ATP9B: variants seen among roughly 807,000 people sequenced by gnomAD.
ATP9B encodes the protein ATPase phospholipid transporting 9B, also known as probable phospholipid-transporting ATPase IIB.
Under a neutral mutation model 146.1 loss-of-function variants are expected in ATP9B, and 110 were observed. The observed-to-expected ratio is 0.75, with a 90% CI of 0.65 to 0.88. ATP9B has a LOEUF of 0.88. Among genes scored for constraint, ATP9B ranks in the 40% least tolerant of loss-of-function variants. The pLI, the probability that ATP9B is intolerant of heterozygous loss-of-function variation, is 0.00. For synonymous variants in ATP9B, 604 were observed against 569.7 expected, an observed-to-expected ratio of 1.06 and a Z score of -0.86; for missense variants, 1,499 against 1,496.4, an observed-to-expected ratio of 1.00 and a Z score of -0.03.
intron 6 of ATP9B, among the ~76,000 whole-genome samples, chr18:79,151,488 C>T (rs2094688223): frequency 6.6e-6 from 1 of 152,098 alleles, no homozygotes; most frequent in African/African-American, 2.4e-5. Context: ...ATGAAGGATA[C>T]TTTTGTGTCA....
chr18:79,341,415 ACAC>A (rs1221337369), intron 19 of ATP9B, among the ~76,000 whole-genome samples: 4,495 of 89,502 alleles, frequency 0.05, 639 homozygotes, highest in East Asian at 0.081. Flanking sequence ...TGTTGCCGAC[ACAC>A]CATTTAGTTG....
intron 13 of ATP9B, among the ~76,000 whole-genome samples, chr18:79,284,324 A>C (rs980605216): frequency 6.6e-6 from 1 of 152,206 alleles, no homozygotes; most frequent in African/African-American, 2.4e-5. Context: ...GTCCTTGGAT[A>C]TGAGTGCTGT....
At chr18:79,201,417 A>G (rs940691974) in intron 9 of ATP9B, among the ~76,000 whole-genome samples, 1 of 152,162 alleles carries the variant, frequency 6.6e-6, no homozygotes. Context: ...ATAAGACAAA[A>G]TATCTTTTGT....
intron 2 of ATP9B, among the ~76,000 whole-genome samples, chr18:79,097,656 T>G (rs1339586664): frequency 6.7e-6 from 1 of 148,544 alleles, no homozygotes; most frequent in Non-Finnish European, 1.5e-5. Flanking sequence ...GATAGTTTAC[T>G]GAGAATGATG....
rs564713701 is a variant in ATP9B, at chr18:79,251,218, G to A, written c.1108-2163G>A. 3.1e-4 allele frequency among the ~76,000 whole-genome samples: 47 copies of A among 152,324 alleles called. No individual in the cohort carries two copies. The South Asian group carries it at 6.0e-3, about 19-fold the overall frequency. On this transcript the variant is annotated intron_variant, in intron 11 of 29. Coordinates refer to ENST00000426216, the MANE Select transcript of ATP9B (RefSeq NM_198531.5). Reference sequence around the variant, plus strand: ...CGCAGGACAGATCACAGGAGGGGCCGCCCCACCCCGCTGAATGCGGCATCC... The same window carrying A: ...CGCAGGACAGATCACAGGAGGGGCCACCCCACCCCGCTGAATGCGGCATCC...
chr18:79,260,403 G>A (rs908038756), intron 12 of ATP9B, among the ~76,000 whole-genome samples: 2 of 152,088 alleles, frequency 1.3e-5, no homozygotes, highest in East Asian at 3.8e-4. Flanking sequence ...CTCTACACAC[G>A]GGGAGTACAA....
In ATP9B at chr18:79,270,019, G is replaced by C. The variant is rs573107275; in HGVS notation, c.1269-7035G>C. 1.1e-4 allele frequency among the ~76,000 whole-genome samples: 16 copies of C among 152,342 alleles called. No homozygotes were observed. The South Asian group carries it at 3.3e-3, about 32-fold the overall frequency. On this transcript the variant is annotated intron_variant, in intron 12 of 29. Coordinates refer to ENST00000426216, the MANE Select transcript of ATP9B (RefSeq NM_198531.5). ...GGCTCCTGTTTGCCTGGTCAGCTTT[G>C]TTACTAGCACTTAACATAATCACTG...
In ATP9B at chr18:79,377,930, A is replaced by G. The variant is rs2097110514; in HGVS notation, c.*547A>G. 1 of 153,754 alleles carries G rather than the reference A, an allele frequency of 6.5e-6. No homozygotes were observed. Among genetic ancestry groups the G allele is most frequent in the South Asian group, 2.0e-4 (1 of 4,906 alleles). The allele number at this position is 153,754 out of a possible 1,614,324, so 9.5% of individuals were successfully genotyped here. On this transcript the variant is annotated 3_prime_UTR_variant, in exon 30 of 30. Transcript: ENST00000426216. ...TTTTCTTTCTTTTTTTGTATTGTCAAAATTGTATTTCCATATTGAAGCAGC... is the reference window on the plus strand; with the variant it reads ...TTTTCTTTCTTTTTTTGTATTGTCAGAATTGTATTTCCATATTGAAGCAGC...
chr18:79,344,901 C>T (rs1025873406), intron 21 of ATP9B, among the ~76,000 whole-genome samples: 6 of 152,226 alleles, frequency 3.9e-5, no homozygotes, highest in African/African-American at 1.2e-4. Context: ...TCGTTTTCTT[C>T]GCACGGTGGC....
Position 79,333,939 on chromosome 18 carries a change from G to A in ATP9B, c.2029-2689G>A, listed in dbSNP as rs114797345. Among the ~76,000 whole-genome samples the A allele has an allele frequency of 1.4e-3, 218 of 152,340 alleles. 3 individuals carry two copies. The highest frequency in any genetic ancestry group is 5.0e-3 in the African/African-American group (208 of 41,588). The stretch of plus-strand genomic sequence containing the variant: ...GCTCAAATTTGAAATTTGAGAGGGA[G>A]TCAACAACATCTGGATGGAGAGTCT... On this transcript the variant is annotated intron_variant, in intron 17 of 29. Transcript: ENST00000426216.
chr18:79,350,140 A>C (rs1464222815), intron 25 of ATP9B, among the ~76,000 whole-genome samples: 4 of 152,182 alleles, frequency 2.6e-5, no homozygotes, highest in African/African-American at 9.7e-5. Context: ...ACAGCTACCA[A>C]GACTCCTGGG....
chr18:79,259,741 CA>C (rs2096121432), intron 12 of ATP9B, among the ~76,000 whole-genome samples: 1 of 152,190 alleles, frequency 6.6e-6, no homozygotes, highest in Non-Finnish European at 1.5e-5. Flanking sequence ...ACAGGCACAG[CA>C]GTCATTGCTC....
chr18:79,292,714 G>T (rs923928932), intron 13 of ATP9B, among the ~76,000 whole-genome samples: 1 of 151,470 alleles, frequency 6.6e-6, no homozygotes, highest in African/African-American at 2.4e-5. Flanking sequence ...GGGCTGCAGA[G>T]TGGGGGGTGG....
chr18:79,250,624 A>G (rs778638933), intron 11 of ATP9B, among the ~76,000 whole-genome samples: 1 of 152,190 alleles, frequency 6.6e-6, no homozygotes, highest in African/African-American at 2.4e-5. Context: ...AGCATAAACT[A>G]TGTAGTAGTT....
rs186244018 is a variant in ATP9B, at chr18:79,311,447, G to A, written c.1773+4213G>A. Among the ~76,000 whole-genome samples the A allele has an allele frequency of 3.5e-4, 54 of 152,182 alleles. No homozygotes were observed. The East Asian group carries it at 0.01, about 29-fold the overall frequency. On this transcript the variant is annotated intron_variant, in intron 15 of 29. Coordinates refer to ENST00000426216, the MANE Select transcript of ATP9B (RefSeq NM_198531.5). ...ACATCCCCTGATACGGTGACCTCAG[G>A]AACAAGAAAGCCTAAATGTGCCAGC...
intron 11 of ATP9B, among the ~76,000 whole-genome samples, chr18:79,237,677 C>A (rs183509417): frequency 2.2e-4 from 21 of 97,656 alleles, no homozygotes; most frequent in Middle Eastern, 4.9e-3. Flanking sequence ...AAGTATTTGA[C>A]TTTTTTTTTT....
chr18:79,309,469 A>T (rs1015637564), intron 15 of ATP9B, among the ~76,000 whole-genome samples: 5 of 142,140 alleles, frequency 3.5e-5, no homozygotes, highest in African/African-American at 1.4e-4. Flanking sequence ...TCAGGGGTTG[A>T]GGAGTGATCC....
chr18:79,247,699 C>T (rs555708910), intron 11 of ATP9B, among the ~76,000 whole-genome samples: 2 of 152,226 alleles, frequency 1.3e-5, no homozygotes, highest in East Asian at 1.9e-4. Context: ...TGGTTTCAAA[C>T]GTGGTTTTGC....
intron 7 of ATP9B, among the ~76,000 whole-genome samples, chr18:79,165,784 G>T (rs2094955785): frequency 6.6e-6 from 1 of 152,068 alleles, no homozygotes; most frequent in Non-Finnish European, 1.5e-5. Flanking sequence ...ACCCAGGAGG[G>T]GCTGGCCATG....
Sources: allele counts gnomAD v4.1 joint callset (sites outside exome capture counted in the v4.1 genomes callset), GRCh38; gene constraint gnomAD v4.1.1; transcripts MANE v1.5; gene names NCBI Gene and HGNC (gene_info 2026-07-23, HGNC 2026-07-21).